The following PAK5 variants were observed in gnomAD, a reference collection of about 807,000 sequenced individuals.
PAK5 encodes the protein serine/threonine-protein kinase PAK 5.
Under a neutral mutation model 65.9 loss-of-function variants are expected in PAK5, and 16 were observed. That is an observed-to-expected ratio of 0.24 (90% confidence interval 0.16 to 0.37). PAK5 has a LOEUF of 0.37. PAK5 is among the 10% of genes least tolerant of loss of function. The pLI, the probability that PAK5 is intolerant of heterozygous loss-of-function variation, is 1.00. For synonymous variants in PAK5, 371 were observed against 354.9 expected (o/e 1.05, Z -0.51); for missense variants, 785 against 903.9 (o/e 0.87, Z 1.69).
intron 2 of PAK5, among the ~76,000 whole-genome samples, chr20:9,700,759 A>G (rs781308818): frequency 2.0e-5 from 3 of 152,184 alleles, no homozygotes; most frequent in Admixed American, 1.3e-4. Context: ...TAGGATTTGC[A>G]TTTTGAAACT....
At chr20:9,760,670 T>G (rs1171084992) in intron 1 of PAK5, among the ~76,000 whole-genome samples, 3 of 91,732 alleles carry the variant, frequency 3.3e-5, no homozygotes, top group Non-Finnish European at 4.1e-5. Flanking sequence ...TTTCTTTTCT[T>G]TTCTTTTTTT....
rs1045865730 is a variant in PAK5, at chr20:9,538,480, C to T, written c.*982G>A. On this transcript the variant is annotated 3_prime_UTR_variant, in exon 10 of 10. Coordinates refer to ENST00000353224, the MANE Select transcript of PAK5 (RefSeq NM_177990.4). The stretch of plus-strand genomic sequence containing the variant: ...CCTCTCCCTTTGTGAGCCTGGAATT[C>T]TCATGGTCTCACTGAAACATTCTAT... 2 of 233,428 alleles carry T rather than the reference C, an allele frequency of 8.6e-6. No individual in the cohort carries two copies. The highest frequency in any genetic ancestry group is 1.7e-5 in the Non-Finnish European group (2 of 117,992). 14.5% of individuals were successfully genotyped at this position (233,428 alleles called of 1,614,324 possible). A position where few individuals can be genotyped will look rare whatever the true frequency, so the allele number is the denominator to read the frequency against.
At chr20:9,709,577 T>G (rs113067348) in intron 2 of PAK5, among the ~76,000 whole-genome samples, 6 of 152,182 alleles carry the variant, frequency 3.9e-5, no homozygotes, top group African/African-American at 1.4e-4. Context: ...GAGTCTCATG[T>G]GACTTTTTAA....
chr20:9,796,558 G>T (rs578215875), intron 1 of PAK5, among the ~76,000 whole-genome samples: 36 of 152,240 alleles, frequency 2.4e-4, no homozygotes, highest in Non-Finnish European at 4.7e-4. Flanking sequence ...TATTCCAAAT[G>T]TAGTAGGAAA....
intron 6 of PAK5, among the ~76,000 whole-genome samples, chr20:9,558,007 C>CCTTTATTT (rs767099640): frequency 7.1e-6 from 1 of 140,612 alleles, no homozygotes; most frequent in Non-Finnish European, 1.5e-5. Context: ...TCCAGGAACT[C>CCTTTATTT]ATTTATTTAT....
chr20:9,813,964 T>C (rs1019235264), intron 1 of PAK5, among the ~76,000 whole-genome samples: 14 of 152,122 alleles, frequency 9.2e-5, no homozygotes, highest in African/African-American at 3.4e-4. Context: ...AATGAACCCA[T>C]ATGATAGGAT....
intron 1 of PAK5, among the ~76,000 whole-genome samples, chr20:9,791,344 T>G (rs2049048223): frequency 6.6e-6 from 1 of 152,106 alleles, no homozygotes; most frequent in Admixed American, 6.6e-5. Flanking sequence ...CTCTTCCATT[T>G]GAAGTTGTAG....
intron 1 of PAK5, among the ~76,000 whole-genome samples, chr20:9,803,712 A>G (rs770368540): frequency 1.3e-5 from 2 of 152,208 alleles, no homozygotes; most frequent in Non-Finnish European, 2.9e-5. Flanking sequence ...ACCTGCTAAT[A>G]CACCTCTTCT....
At chr20:9,819,069 C>G (rs980232885) in intron 1 of PAK5, among the ~76,000 whole-genome samples, 16 of 152,130 alleles carry the variant, frequency 1.1e-4, no homozygotes, top group African/African-American at 3.6e-4. Context: ...AAGAAAGCAT[C>G]AGGATAAGCT....
chr20:9,802,718 T>C (rs1453584515), intron 1 of PAK5, among the ~76,000 whole-genome samples: 1 of 150,488 alleles, frequency 6.6e-6, no homozygotes, highest in Admixed American at 6.7e-5. Context: ...TGGACAGGGG[T>C]GGGAAAGTTA....
chr20:9,545,429 T>C (rs889370706), intron 7 of PAK5, among the ~76,000 whole-genome samples: 1 of 152,110 alleles, frequency 6.6e-6, no homozygotes, highest in African/African-American at 2.4e-5. Flanking sequence ...CCACTTAGAG[T>C]TGTTGGTGAT....
chr20:9,612,527 T>TG (rs1031106280), intron 3 of PAK5, among the ~76,000 whole-genome samples: 13 of 151,250 alleles, frequency 8.6e-5, no homozygotes, highest in Non-Finnish European at 1.9e-4. Flanking sequence ...AGAGAGAGAG[T>TG]GGGGAGGGGC....
intron 4 of PAK5, among the ~76,000 whole-genome samples, chr20:9,576,087 G>C (rs1050136228): frequency 4.6e-5 from 7 of 152,296 alleles, no homozygotes; most frequent in African/African-American, 1.7e-4. Context: ...TCCACATGTA[G>C]ACTGATGTGT....
intron 2 of PAK5, among the ~76,000 whole-genome samples, chr20:9,706,347 C>G (rs1209927012): frequency 1.3e-5 from 2 of 152,194 alleles, no homozygotes; most frequent in Admixed American, 6.5e-5. Flanking sequence ...AAGCCACAAA[C>G]ACAGTCACAT....
chr20:9,566,691 T>C (rs1183831735), intron 4 of PAK5, among the ~76,000 whole-genome samples: 4 of 152,160 alleles, frequency 2.6e-5, no homozygotes, highest in Non-Finnish European at 5.9e-5. Context: ...CAGCTAGCAT[T>C]TTTGGGAGAC....
chr20:9,670,144 G>A (rs2047476792), intron 2 of PAK5, among the ~76,000 whole-genome samples: 2 of 152,084 alleles, frequency 1.3e-5, no homozygotes, highest in African/African-American at 4.8e-5. Context: ...GTGTATATGT[G>A]CCACATTTTC....
intron 2 of PAK5, among the ~76,000 whole-genome samples, chr20:9,659,876 T>C (rs1029472400): frequency 6.6e-6 from 1 of 152,276 alleles, no homozygotes; most frequent in East Asian, 1.9e-4. Flanking sequence ...TTTCCATGTA[T>C]AGAAACCCCT....
intron 7 of PAK5, among the ~76,000 whole-genome samples, chr20:9,551,544 G>A (rs1483819282): frequency 1.3e-5 from 2 of 152,144 alleles, no homozygotes; most frequent in South Asian, 4.2e-4. Context: ...GGGCAAAAGA[G>A]AGTCTATCCA....
intron 2 of PAK5, among the ~76,000 whole-genome samples, chr20:9,649,916 A>T (rs1219014575): frequency 2.0e-5 from 3 of 151,266 alleles, no homozygotes; most frequent in African/African-American, 7.3e-5. Flanking sequence ...TACAGGAGTT[A>T]AAAAAAAATG....
Sources: allele counts gnomAD v4.1 joint callset (sites outside exome capture counted in the v4.1 genomes callset), GRCh38; gene constraint gnomAD v4.1.1; transcripts MANE v1.5; gene names NCBI Gene and HGNC (gene_info 2026-07-23, HGNC 2026-07-21).